CD72: variants seen among roughly 807,000 people sequenced by gnomAD.
The protein encoded by CD72 is B-cell differentiation antigen CD72.
CD72 carries 28 observed loss-of-function variants against 50.7 expected under a neutral mutation model. The ratio of observed to expected loss-of-function variants is 0.55; its 90% confidence interval spans 0.41 to 0.76. The LOEUF (loss-of-function observed/expected upper bound fraction) is 0.76, where lower values mean the gene tolerates loss of function less well. CD72 is among the 30% of genes least tolerant of loss of function. The probability of loss-of-function intolerance (pLI) is 0.00; values close to 1 mark genes in which losing one functional copy is unlikely to be tolerated. For synonymous variants in CD72, 176 were observed against 171.2 expected (o/e 1.03, Z -0.22); for missense variants, 403 against 420.6 (o/e 0.96, Z 0.37).
rs1823068513 is a variant in CD72 at position 35,616,634 on chromosome 9, C to T, written c.318G>A (p.Leu106=). 8 of 1,614,098 alleles carry T rather than the reference C, an allele frequency of 5.0e-6. No homozygotes were observed. Among genetic ancestry groups the T allele is most frequent in the Non-Finnish European group, 6.8e-6 (8 of 1,180,032 alleles). ...CCAGGCAGATGGCGGTCACTCCTAA[C>T]AGCAGGCAGGTGAGGAGCAGGCCGA... ...LLLGLLLTCL[L]LGVTAICLGV... is the part of the protein sequence containing the mutation. Residue 106 remains leucine, a synonymous_variant, in exon 4 of 9, where the codon CTG becomes CTA. Transcript: ENST00000259633.
rs1822949877 is a variant in CD72 at position 35,610,061 on chromosome 9, C to T, written c.*262G>A. On this transcript the variant is annotated 3_prime_UTR_variant, in exon 9 of 9. Transcript: ENST00000259633. The stretch of plus-strand genomic sequence containing the variant: ...CGCTCAGCCCGTGCGCCCTCCTCCC[C>T]CACCCCATTCTACCATGGGAAGTTC... The T allele has an allele frequency of 6.5e-6, 2 of 309,872 alleles. No homozygotes were observed. Among genetic ancestry groups the T allele is most frequent in the East Asian group, 6.1e-5 (1 of 16,446 alleles). 19.2% of individuals were successfully genotyped at this position (309,872 alleles called of 1,614,324 possible). A position where few individuals can be genotyped will look rare whatever the true frequency, so the allele number is the denominator to read the frequency against.
chr9:35,643,834 C>T (rs1442283905), intron 1 of CD72, among the ~76,000 whole-genome samples: 2 of 151,842 alleles, frequency 1.3e-5, no homozygotes, highest in African/African-American at 4.8e-5. Flanking sequence ...AAAAATTAGC[C>T]GGGCGTATTG....
intron 1 of CD72, among the ~76,000 whole-genome samples, chr9:35,626,303 A>G (rs1823197051): frequency 6.6e-6 from 1 of 152,038 alleles, no homozygotes; most frequent in Non-Finnish European, 1.5e-5. Flanking sequence ...CAAGAGAACT[A>G]CAGTTAGAAA....
In CD72 at chr9:35,616,648, G is replaced by C. The variant is rs754581087; in HGVS notation, c.304C>G (p.Leu102Val). 6.2e-7 allele frequency: 1 copy of C among 1,614,016 alleles called. No homozygotes were observed. The highest frequency in any genetic ancestry group is 8.5e-7 in the Non-Finnish European group (1 of 1,180,018). Reference protein sequence around the residue: ...CLRYLLLGLLLTCLLLGVTAI... With the variant: ...CLRYLLLGLLVTCLLLGVTAI... Reference sequence around the variant, plus strand: ...GTCACTCCTAACAGCAGGCAGGTGAGGAGCAGGCCGAGCAGGAGGTATCGC... The same window carrying C: ...GTCACTCCTAACAGCAGGCAGGTGACGAGCAGGCCGAGCAGGAGGTATCGC... Residue 102 changes from leucine (L) to valine (V), a missense_variant, in exon 4 of 9, where the codon CTC (leucine) becomes GTC (valine). By Grantham distance (32) the Leu-to-Val change is conservative. Coordinates refer to ENST00000259633, the MANE Select transcript of CD72 (RefSeq NM_001782.3).
At chr9:35,636,564 A>G (rs1352982443) in intron 1 of CD72, among the ~76,000 whole-genome samples, 1 of 152,194 alleles carries the variant, frequency 6.6e-6, no homozygotes, top group East Asian at 1.9e-4. Context: ...GGAAGTTTAA[A>G]CCCATCTTTG....
upstream of CD72, chr9:35,618,439 T>C (rs950090971): frequency 1.3e-6 from 2 of 1,533,764 alleles, no homozygotes; most frequent in Non-Finnish European, 1.8e-6. Context: ...GCCCTGTGAC[T>C]TCCAGTCACA....
At chr9:35,636,253 G>C (rs1043045586) in intron 1 of CD72, among the ~76,000 whole-genome samples, 15 of 152,256 alleles carry the variant, frequency 9.9e-5, no homozygotes, top group East Asian at 3.9e-4. Flanking sequence ...TTTCCTGCAG[G>C]GGGTGGGGGC....
intron 3 of CD72, chr9:35,616,935 AT>A: frequency 7.2e-7 from 1 of 1,383,834 alleles, no homozygotes; most frequent in Non-Finnish European, 9.5e-7. Context: ...GGAAGGAAAT[AT>A]CAGACGGAGA....
intron 1 of CD72, among the ~76,000 whole-genome samples, chr9:35,638,170 C>T (rs1823309011): frequency 6.6e-6 from 1 of 152,128 alleles, no homozygotes; most frequent in South Asian, 2.1e-4. Flanking sequence ...ACACTTCATT[C>T]TCTCCCTAGT....
At chr9:35,638,670 A>G (rs1823312818) in intron 1 of CD72, among the ~76,000 whole-genome samples, 2 of 150,702 alleles carry the variant, frequency 1.3e-5, no homozygotes, top group African/African-American at 2.4e-5. Flanking sequence ...TGTCATCCTG[A>G]CTTCCACCCT....
intron 1 of CD72, among the ~76,000 whole-genome samples, chr9:35,627,525 C>T (rs923297036): frequency 5.3e-5 from 8 of 152,150 alleles, no homozygotes; most frequent in African/African-American, 1.9e-4. Flanking sequence ...TGAAGTATGC[C>T]TGTATCTGCA....
intron 1 of CD72, among the ~76,000 whole-genome samples, chr9:35,634,817 A>G (rs1386073421): frequency 6.6e-6 from 1 of 152,160 alleles, no homozygotes; most frequent in Non-Finnish European, 1.5e-5. Flanking sequence ...AATTTCCCTT[A>G]TAGTGTGTTC....
In CD72 at chr9:35,644,723, C is replaced by T. The variant is rs528946244; in HGVS notation, n.408+1680G>A. ...ACGTTAAGTAGAAATATCTTAGGGC[C>T]AAATGGCATGACAGTACATTTAAGT... On this transcript the variant is annotated intron_variant and non_coding_transcript_variant, in intron 1 of 3. Transcript: ENST00000465754. Among the ~76,000 whole-genome samples the T allele has an allele frequency of 2.6e-5, 4 of 152,170 alleles. No individual in the cohort carries two copies. The East Asian group carries it at 7.7e-4, about 29-fold the overall frequency.
Position 35,615,927 on chromosome 9 carries a change from T to C in CD72, c.688+16A>G. On this transcript the variant is annotated intron_variant, in intron 5 of 8. Transcript: ENST00000259633. The stretch of plus-strand genomic sequence containing the variant: ...CAATCCATCCCTCCCTTCTCTCCTC[T>C]CCCCAGAGCGGATACCTGCTGAGCC... 1 of 1,599,992 alleles carries C rather than the reference T, an allele frequency of 6.3e-7. No homozygotes were observed. Among genetic ancestry groups the C allele is most frequent in the Non-Finnish European group, 8.5e-7 (1 of 1,169,792 alleles).
At position 35,611,924 on chromosome 9, in the gene CD72, G is replaced by A; in HGVS notation, c.835-5C>T. 3 of 1,431,718 alleles carry A rather than the reference G, an allele frequency of 2.1e-6. No individual in the cohort carries two copies. The highest frequency in any genetic ancestry group is 3.0e-6 in the Non-Finnish European group (3 of 1,013,744). 88.7% of individuals were successfully genotyped at this position (1,431,718 alleles called of 1,614,324 possible). A position where few individuals can be genotyped will look rare whatever the true frequency, so the allele number is the denominator to read the frequency against. On this transcript the variant is annotated splice_region_variant and splice_polypyrimidine_tract_variant and intron_variant, in intron 6 of 8. Coordinates refer to ENST00000259633, the MANE Select transcript of CD72 (RefSeq NM_001782.3). Reference sequence around the variant, plus strand: ...ATTTAAGAAGTAGTAAGAGTGCTGAGGGGAGATTCAGAGAGACCAGAGATA... The same window carrying A: ...ATTTAAGAAGTAGTAAGAGTGCTGAAGGGAGATTCAGAGAGACCAGAGATA...
Position 35,618,377 on chromosome 9 carries a change from C to A in CD72, c.-74G>T. The A allele has an allele frequency of 6.3e-7, 1 of 1,599,742 alleles. No individual in the cohort carries two copies. Among genetic ancestry groups the A allele is most frequent in the Non-Finnish European group, 8.5e-7 (1 of 1,172,978 alleles). On this transcript the variant is annotated 5_prime_UTR_variant, in exon 1 of 9. Transcript: ENST00000259633. ...CTCCCTTGCCCCTCTCGTCTCTGTC[C>A]GTTTACAACTAGGCTCTGTGTTCCC...
At chr9:35,614,013 C>T (rs913019308) in intron 5 of CD72, among the ~76,000 whole-genome samples, 7 of 149,084 alleles carry the variant, frequency 4.7e-5, no homozygotes, top group Admixed American at 1.3e-4. Flanking sequence ...AGCGAGACTC[C>T]GCCTCAAAAA....
chr9:35,640,944 A>G (rs1184681268), intron 1 of CD72, among the ~76,000 whole-genome samples: 3 of 152,136 alleles, frequency 2.0e-5, no homozygotes, highest in African/African-American at 7.2e-5. Context: ...CATTTTAGTG[A>G]GCTCTCTGAT....
At chr9:35,635,416 T>A (rs1010203085) in intron 1 of CD72, among the ~76,000 whole-genome samples, 2 of 152,360 alleles carry the variant, frequency 1.3e-5, no homozygotes, top group East Asian at 3.9e-4. Context: ...TGAGACTTTT[T>A]TTCTATTTAA....
Sources: allele counts gnomAD v4.1 joint callset (sites outside exome capture counted in the v4.1 genomes callset), GRCh38; gene constraint gnomAD v4.1.1; transcripts MANE v1.5; gene names NCBI Gene and HGNC (gene_info 2026-07-23, HGNC 2026-07-21).